Variants in FLT3 observed in about 807,000 individuals in gnomAD.
The protein encoded by FLT3 is receptor-type tyrosine-protein kinase FLT3.
A neutral mutation model predicts 126.6 loss-of-function variants in FLT3; 46 were observed. That is an observed-to-expected ratio of 0.36 (90% CI 0.29 to 0.46). The LOEUF is 0.46. FLT3 is among the 20% of genes least tolerant of loss of function. The probability of loss-of-function intolerance (pLI) is 1.00; values close to 1 mark genes in which losing one functional copy is unlikely to be tolerated. For missense variants in FLT3, 1,069 were observed against 1,190.3 expected, an observed-to-expected ratio of 0.90 and a Z score of 1.50; for synonymous variants, 404 against 434.4, an observed-to-expected ratio of 0.93 and a Z score of 0.87.
At chr13:28,071,193 A>G (rs533670213) in intron 1 of FLT3, among the ~76,000 whole-genome samples, 4 of 148,714 alleles carry the variant, frequency 2.7e-5, no homozygotes, top group Admixed American at 2.7e-4. Context: ...TATTTTTAGT[A>G]GAGACGGGGT....
At chr13:28,027,440 C>T (rs1336883035) in intron 16 of FLT3, among the ~76,000 whole-genome samples, 199 bp from the exon 17 acceptor site, 2 of 152,218 alleles carry the variant, frequency 1.3e-5, no homozygotes, top group Non-Finnish European at 2.9e-5. Context: ...AAAGCAGCAT[C>T]TTCTTGACAT....
intron 20 of FLT3, among the ~76,000 whole-genome samples, chr13:28,015,907 A>G (rs1345741203): frequency 6.6e-6 from 1 of 152,164 alleles, no homozygotes; most frequent in Non-Finnish European, 1.5e-5. Context: ...ATATTTCTTT[A>G]CAACTCCTCT....
At chr13:28,051,495 C>T (rs112405720) in intron 5 of FLT3, among the ~76,000 whole-genome samples, 28,549 of 150,498 alleles carry the variant, frequency 0.19, 2,790 homozygotes, top group Middle Eastern at 0.25. Flanking sequence ...CCTCGGCCTC[C>T]CAAATTGCTG....
At chr13:28,093,610 T>C (rs901913266) in intron 1 of FLT3, among the ~76,000 whole-genome samples, 2 of 152,192 alleles carry the variant, frequency 1.3e-5, no homozygotes, top group African/African-American at 2.4e-5. Context: ...AAAACTCCAT[T>C]TGCTGTCCTA....
chr13:28,068,009 A>G, intron 2 of FLT3: 1 of 223,278 alleles, frequency 4.5e-6, no homozygotes, highest in Non-Finnish European at 9.1e-6. Context: ...TCATTAAACC[A>G]TAGTGGAGAC....
At chr13:28,032,517 G>A (rs1197999993) in intron 15 of FLT3, among the ~76,000 whole-genome samples, 1 of 152,238 alleles carries the variant, frequency 6.6e-6, no homozygotes, top group African/African-American at 2.4e-5. Context: ...GCCTGAAGTG[G>A]GAGGATGGCT....
At chr13:28,004,803 C>T (rs1870739093) in intron 23 of FLT3, among the ~76,000 whole-genome samples, 2 of 151,982 alleles carry the variant, frequency 1.3e-5, no homozygotes, top group South Asian at 4.1e-4. Context: ...AGTCTACTCT[C>T]AGATATAAAA....
At chr13:28,091,266 G>A (rs1239456340) in intron 1 of FLT3, among the ~76,000 whole-genome samples, 1 of 112,780 alleles carries the variant, frequency 8.9e-6, no homozygotes, top group Non-Finnish European at 1.7e-5. Context: ...CTGTCGCCCA[G>A]GCTGGAGTGC....
chr13:28,023,134 G>A (rs1238695876), intron 19 of FLT3, among the ~76,000 whole-genome samples: 1 of 152,198 alleles, frequency 6.6e-6, no homozygotes, highest in Non-Finnish European at 1.5e-5. Context: ...TGCAGCCTGG[G>A]AGGGCTGTGC....
At chr13:28,090,317 C>T (rs950526684) in intron 1 of FLT3, among the ~76,000 whole-genome samples, 16 of 150,872 alleles carry the variant, frequency 1.1e-4, no homozygotes, top group African/African-American at 1.7e-4. Context: ...ATTACAGGTT[C>T]GAGCCACTGT....
In FLT3 at chr13:28,034,005, T is replaced by C. The variant is rs375169367; in HGVS notation, c.1838-14A>G. 7.4e-6 allele frequency: 12 copies of C among 1,613,622 alleles called. No individual in the cohort carries two copies. The highest frequency in any genetic ancestry group is 1.6e-4 in the Middle Eastern group (1 of 6,084). The stretch of plus-strand genomic sequence containing the variant: ...CTAGTACCTTCCCTGCAAAGACAAA[T>C]GGTGAGTACGTGCATTTTAAAGATT... On this transcript the variant is annotated splice_polypyrimidine_tract_variant and intron_variant, in intron 14 of 23. Coordinates refer to ENST00000241453, the MANE Select transcript of FLT3 (RefSeq NM_004119.3).
chr13:28,034,487 T>C (rs1013283859), intron 12 of FLT3, 80 bp from the exon 13 acceptor site: 1 of 982,360 alleles, frequency 1.0e-6, no homozygotes, highest in Non-Finnish European at 1.6e-6. Flanking sequence ...CATTATAATC[T>C]CTCACATCCT....
rs375859256 is a variant in FLT3 at position 28,033,927 on chromosome 13, T to A, written c.1902A>T (p.Lys634Asn). 34 of 1,614,092 alleles carry A rather than the reference T, an allele frequency of 2.1e-5. No homozygotes were observed. The highest frequency in any genetic ancestry group is 2.8e-5 in the Non-Finnish European group (33 of 1,180,044). ...VMNATAYGIS[K>N]TGVSIQVAVK... Reference sequence around the variant, plus strand: ...CGGCAACCTGGATTGAGACTCCTGTTTTGCTAATTCCATAAGCTGTTGCGT... The same window carrying A: ...CGGCAACCTGGATTGAGACTCCTGTATTGCTAATTCCATAAGCTGTTGCGT... The change falls in exon 15 of 24, where the codon AAA becomes AAT. Residue 634 changes from lysine to asparagine, a missense_variant. Lys to Asn is a moderately conservative substitution (Grantham distance 94). Coordinates refer to ENST00000241453, the MANE Select transcript of FLT3 (RefSeq NM_004119.3).
chr13:28,030,414 A>G (rs1012891060), intron 15 of FLT3, among the ~76,000 whole-genome samples: 1 of 152,162 alleles, frequency 6.6e-6, no homozygotes, highest in African/African-American at 2.4e-5. Flanking sequence ...CAGTCATTCA[A>G]CAAGTATTTA....
intron 1 of FLT3, among the ~76,000 whole-genome samples, chr13:28,098,109 G>A (rs796740144): frequency 1.6e-4 from 24 of 152,136 alleles, no homozygotes; most frequent in African/African-American, 5.5e-4. Context: ...AAGGTCAGGA[G>A]TTCGAGACCA....
intron 1 of FLT3, among the ~76,000 whole-genome samples, chr13:28,082,782 C>T (rs1261539056): frequency 6.6e-6 from 1 of 152,144 alleles, no homozygotes; most frequent in Non-Finnish European, 1.5e-5. Context: ...CAGCTCACTG[C>T]AAGCTTTGCC....
At chr13:28,018,688 T>C (rs1443768722) in intron 19 of FLT3, 99 bp from the exon 20 acceptor site, 8 of 1,294,258 alleles carry the variant, frequency 6.2e-6, no homozygotes, top group South Asian at 1.3e-5. Flanking sequence ...GTACCGGTGA[T>C]GGAAGGCCTC....
chr13:28,098,720 C>T (rs890044839), intron 1 of FLT3, among the ~76,000 whole-genome samples: 3 of 151,752 alleles, frequency 2.0e-5, no homozygotes, highest in African/African-American at 4.8e-5. Flanking sequence ...CCATGTGCTT[C>T]GTGAACATAA....
Position 28,057,330 on chromosome 13 carries a change from T to C in FLT3, c.484+17A>G, listed in dbSNP as rs766421025. 27 of 1,043,134 alleles carry C rather than the reference T, an allele frequency of 2.6e-5. No individual in the cohort carries two copies. Among genetic ancestry groups the C allele is most frequent in the Non-Finnish European group, 3.5e-5 (23 of 658,276 alleles). 64.6% of individuals were successfully genotyped at this position (1,043,134 alleles called of 1,614,324 possible). A position where few individuals can be genotyped will look rare whatever the true frequency, so the allele number is the denominator to read the frequency against. Reference sequence around the variant, plus strand: ...GTGGTATTCCAGGCTGGAATACTAGTAGCAGGCTGGACTTACTTCTTATAC... The same window carrying C: ...GTGGTATTCCAGGCTGGAATACTAGCAGCAGGCTGGACTTACTTCTTATAC... On this transcript the variant is annotated intron_variant, in intron 4 of 23. Transcript: ENST00000241453.
Sources: allele counts gnomAD v4.1 joint callset (sites outside exome capture counted in the v4.1 genomes callset), GRCh38; gene constraint gnomAD v4.1.1; transcripts MANE v1.5; gene names NCBI Gene and HGNC (gene_info 2026-07-23, HGNC 2026-07-21).